EFCAB8: variants seen among roughly 807,000 people sequenced by gnomAD.
EFCAB8 encodes EF-hand calcium binding domain 8.
EFCAB8 carries 100 observed loss-of-function variants against 116.3 expected under a neutral mutation model. The ratio of observed to expected loss-of-function variants is 0.86; its 90% CI spans 0.73 to 1.02. EFCAB8 has a LOEUF of 1.02. EFCAB8 is among the 50% of genes least tolerant of loss of function. The pLI, the probability that EFCAB8 is intolerant of heterozygous loss-of-function variation, is 0.00. For synonymous variants in EFCAB8, 558 were observed against 567.9 expected (o/e 0.98, Z 0.25); for missense variants, 1,320 against 1,416.9 (o/e 0.93, Z 1.10).
At chr20:32,909,751 C>A in intron 14 of EFCAB8, 70 bp from the exon 15 acceptor site, 1 of 784,356 alleles carries the variant, frequency 1.3e-6, no homozygotes, top group Non-Finnish European at 1.8e-6. Context: ...GGAAGTTTTT[C>A]CCGGCAGCCC....
chr20:32,909,481 G>A (rs1053337945), intron 14 of EFCAB8, among the ~76,000 whole-genome samples: 6 of 152,170 alleles, frequency 3.9e-5, no homozygotes, highest in African/African-American at 1.2e-4. Context: ...CCTTAGCCTC[G>A]CCTGGGGCAA....
intron 23 of EFCAB8, among the ~76,000 whole-genome samples, chr20:32,946,435 T>A (rs546143210): frequency 6.6e-6 from 1 of 152,342 alleles, no homozygotes; most frequent in South Asian, 2.1e-4. Context: ...TGTTTGTTTT[T>A]TCATTCATCT....
At chr20:32,881,656 C>T (rs962729184) in intron 5 of EFCAB8, among the ~76,000 whole-genome samples, 2 of 152,178 alleles carry the variant, frequency 1.3e-5, no homozygotes, top group South Asian at 2.1e-4. Context: ...CAAGGGACAT[C>T]GGGTTCAGCC....
intron 5 of EFCAB8, among the ~76,000 whole-genome samples, chr20:32,879,792 G>T (rs1015950424): frequency 1.3e-5 from 2 of 152,208 alleles, no homozygotes; most frequent in Non-Finnish European, 2.9e-5. Context: ...GGGAAGGTCA[G>T]ACAGTCCTTC....
chr20:32,883,706 T>C (rs1183507715), intron 5 of EFCAB8, among the ~76,000 whole-genome samples: 1 of 152,112 alleles, frequency 6.6e-6, no homozygotes, highest in Non-Finnish European at 1.5e-5. Flanking sequence ...CTTTTTTTTT[T>C]TGGAGACGGA....
chr20:32,917,285 C>T lies in EFCAB8; in HGVS notation c.1857-16C>T. On this transcript the variant is annotated splice_polypyrimidine_tract_variant and intron_variant, in intron 17 of 26. Transcript: ENST00000400522. ...GGCTGAGCTCTCAGCCCTCCTGCCT[C>T]TGGCCATATGCACAGGTTCCACAAG... 1 of 1,542,662 alleles carries T rather than the reference C, an allele frequency of 6.5e-7. No homozygotes were observed. Among genetic ancestry groups the T allele is most frequent in the Non-Finnish European group, 8.8e-7 (1 of 1,139,198 alleles).
intron 2 of EFCAB8, among the ~76,000 whole-genome samples, chr20:32,865,660 G>A (rs1274875700): frequency 6.6e-6 from 1 of 151,934 alleles, no homozygotes; most frequent in East Asian, 1.9e-4. Flanking sequence ...TTAGCCAGGC[G>A]TGGTGACTCA....
chr20:32,917,316 G>A lies in EFCAB8; in HGVS notation c.1872G>A (p.Lys624=). 2 of 1,551,566 alleles carry A rather than the reference G, an allele frequency of 1.3e-6. No homozygotes were observed. The highest frequency in any genetic ancestry group is 2.7e-5 in the African/African-American group (2 of 73,142). ...RITHFLFHKT[K]PVLLCYHWQT... ...ATATGCACAGGTTCCACAAGACCAA[G>A]CCAGTGCTCTTGTGCTACCACTGGC... Residue 624 remains lysine (K), a synonymous_variant, in exon 18 of 27, where the codon AAG becomes AAA. Transcript: ENST00000400522.
chr20:32,881,671 T>C lies in EFCAB8; in HGVS notation c.431+2864T>C, dbSNP rs1390171119. On this transcript the variant is annotated intron_variant, in intron 5 of 26. Coordinates refer to ENST00000400522, the MANE Select transcript of EFCAB8 (RefSeq NM_001143967.2). Reference sequence around the variant, plus strand: ...CAAGGGACATCGGGTTCAGCCACTGTGCCTATCTGGATCATTGGTAGCAAA... The same window carrying C: ...CAAGGGACATCGGGTTCAGCCACTGCGCCTATCTGGATCATTGGTAGCAAA... 2.0e-5 allele frequency among the ~76,000 whole-genome samples: 3 copies of C among 152,232 alleles called. No individual in the cohort carries two copies. The East Asian group carries it at 5.8e-4, about 29-fold the overall frequency.
chr20:32,961,739 C>G lies in EFCAB8; in HGVS notation c.*130C>G. On this transcript the variant is annotated 3_prime_UTR_variant, in exon 27 of 27. Transcript: ENST00000400522. ...CCCCCGGCCACCCCACTGGGCCTCTCTGGGGAAGTTCACCTGTCTCCTAAT... is the reference window on the plus strand; with the variant it reads ...CCCCCGGCCACCCCACTGGGCCTCTGTGGGGAAGTTCACCTGTCTCCTAAT... 1 of 503,734 alleles carries G rather than the reference C, an allele frequency of 2.0e-6. No individual in the cohort carries two copies. The highest frequency in any genetic ancestry group is 3.4e-5 in the East Asian group (1 of 29,292). 31.2% of individuals were successfully genotyped at this position (503,734 alleles called of 1,614,324 possible). A position where few individuals can be genotyped will look rare whatever the true frequency, so the allele number is the denominator to read the frequency against.
rs1371113573 is a variant in EFCAB8, at chr20:32,959,955, G to A, written c.3267G>A (p.Trp1089Ter). 11 of 1,551,600 alleles carry A rather than the reference G, an allele frequency of 7.1e-6. No homozygotes were observed. Among genetic ancestry groups the A allele is most frequent in the Non-Finnish European group, 9.6e-6 (11 of 1,147,002 alleles). The change falls in exon 25 of 27, where the codon TGG becomes TGA. Residue 1089 changes from tryptophan to a stop codon, truncating the protein, a stop_gained. Transcript: ENST00000400522. LOFTEE classifies it high-confidence loss of function. ...ERPLEDIEDS[W>*]NKWESRDKQV... ...CCCTGGAAGACATTGAGGACAGCTGGAACAAGTGGGAGTCCAGGGACAAGC... is the reference window on the plus strand; with the variant it reads ...CCCTGGAAGACATTGAGGACAGCTGAAACAAGTGGGAGTCCAGGGACAAGC...
At position 32,908,428 on chromosome 20, in the gene EFCAB8, G is replaced by A. The variant is rs771178244; in HGVS notation, c.1446+16G>A. On this transcript the variant is annotated intron_variant, in intron 14 of 26. Transcript: ENST00000400522. ...CACCTACTCAGTGAGTGCTGTCCCA[G>A]GAGGGAGTGGGGTCAAGGCCGCAGG... is the stretch of plus-strand genomic sequence containing the variant. 6.4e-5 allele frequency: 80 copies of A among 1,249,856 alleles called. No individual in the cohort carries two copies. Among genetic ancestry groups the A allele is most frequent in the Admixed American group, 8.4e-5 (2 of 23,724 alleles). 77.4% of individuals were successfully genotyped at this position (1,249,856 alleles called of 1,614,324 possible). A position where few individuals can be genotyped will look rare whatever the true frequency, so the allele number is the denominator to read the frequency against.
At chr20:32,908,714 C>T (rs1162286257) in intron 14 of EFCAB8, among the ~76,000 whole-genome samples, 3 of 152,252 alleles carry the variant, frequency 2.0e-5, no homozygotes, top group African/African-American at 7.2e-5. Context: ...GGAGCCCTTC[C>T]TCCATGTTTT....
intron 17 of EFCAB8, among the ~76,000 whole-genome samples, chr20:32,915,007 C>T (rs1166325074): frequency 6.6e-6 from 1 of 152,098 alleles, no homozygotes; most frequent in Non-Finnish European, 1.5e-5. Context: ...AAGAGATCCT[C>T]CCACCCCAGC....
In EFCAB8 at chr20:32,867,566, G is replaced by T; in HGVS notation, c.43-16G>T. On this transcript the variant is annotated splice_polypyrimidine_tract_variant and intron_variant, in intron 2 of 26. Transcript: ENST00000400522. The stretch of plus-strand genomic sequence containing the variant: ...TTGAAACGCTCAGTCCCTGGTTCTT[G>T]TTATATTCGTTCCAGCTGTCCATCC... The T allele has an allele frequency of 6.4e-7, 1 of 1,550,520 alleles. No individual in the cohort carries two copies. Among genetic ancestry groups the T allele is most frequent in the Non-Finnish European group, 8.7e-7 (1 of 1,146,612 alleles).
intron 23 of EFCAB8, among the ~76,000 whole-genome samples, chr20:32,956,943 C>CTT (rs61235703): frequency 1.8e-4 from 24 of 132,826 alleles, no homozygotes; most frequent in African/African-American, 5.6e-4. Flanking sequence ...ATGCCCTATT[C>CTT]TTTTTTTTTT....
At position 32,961,706 on chromosome 20, in the gene EFCAB8, T is replaced by G. The variant is rs1021676361; in HGVS notation, c.*97T>G. On this transcript the variant is annotated 3_prime_UTR_variant, in exon 27 of 27. Coordinates refer to ENST00000400522, the MANE Select transcript of EFCAB8 (RefSeq NM_001143967.2). ...TATTCCCTACCAGACCCAGAGGATG[T>G]GGCTCTTCCCCCGGCCACCCCACTG... The G allele has an allele frequency of 4.5e-4, 339 of 749,870 alleles. No homozygotes were observed. Among genetic ancestry groups the G allele is most frequent in the Middle Eastern group, 6.4e-4 (2 of 3,116 alleles). The allele number at this position is 749,870 out of a possible 1,614,324, so 46.5% of individuals were successfully genotyped here.
intron 7 of EFCAB8, among the ~76,000 whole-genome samples, chr20:32,890,971 G>A (rs184432139): frequency 5.3e-5 from 8 of 152,342 alleles, no homozygotes; most frequent in Middle Eastern, 3.4e-3. Flanking sequence ...GTGGTCAGCC[G>A]TCAGCAAGGG....
chr20:32,932,224 A>G (rs1208839117), intron 22 of EFCAB8, among the ~76,000 whole-genome samples: 1 of 152,156 alleles, frequency 6.6e-6, no homozygotes, highest in Non-Finnish European at 1.5e-5. Context: ...TAAAAATACA[A>G]AAATCAGCTG....
Sources: allele counts gnomAD v4.1 joint callset (sites outside exome capture counted in the v4.1 genomes callset), GRCh38; gene constraint gnomAD v4.1.1; transcripts MANE v1.5; gene names NCBI Gene and HGNC (gene_info 2026-07-23, HGNC 2026-07-21).